The following PCDHGB3 variants were observed in gnomAD, a reference collection of about 807,000 sequenced individuals.
The protein encoded by PCDHGB3 is protocadherin gamma subfamily B, 3.
In PCDHGB3, 40 loss-of-function variants were observed where a neutral mutation model predicts 59.2. That is an observed-to-expected ratio of 0.68 (90% CI 0.52 to 0.88). The LOEUF (loss-of-function observed/expected upper bound fraction) is 0.88, where lower values mean the gene tolerates loss of function less well. Ranked by LOEUF, PCDHGB3 falls within the 40% of genes least tolerant of loss-of-function variation. The pLI is 0.00. For missense variants in PCDHGB3, 1,309 were observed against 1,187.9 expected, an observed-to-expected ratio of 1.10 and a Z score of -1.50; for synonymous variants, 581 against 503.6, an observed-to-expected ratio of 1.15 and a Z score of -2.06.
At position 141,372,407 on chromosome 5, in the gene PCDHGB3, A is replaced by G. The variant is rs1190545508; in HGVS notation, c.2013A>G (p.Ile671Met). 3.7e-6 allele frequency: 6 copies of G among 1,613,948 alleles called. No individual in the cohort carries two copies. In the Admixed American group the frequency reaches 6.7e-5, roughly 18 times the overall value. The change falls in exon 1 of 4, where the codon ATA (isoleucine) becomes ATG (methionine). Residue 671 changes from isoleucine (I) to methionine (M), a missense_variant. Coordinates refer to ENST00000576222, the MANE Select transcript of PCDHGB3 (RefSeq NM_018924.5). ...TCTTCGCAGATAGCTTGCAAGAGATACAACCTGACCTTAGCGACCGCCCCA... is the reference window on the plus strand; with the variant it reads ...TCTTCGCAGATAGCTTGCAAGAGATGCAACCTGACCTTAGCGACCGCCCCA... ...HLIFADSLQE[I>M]QPDLSDRPTP...
Position 141,485,992 on chromosome 5 carries a change from C to T in PCDHGB3, c.2416-8815C>T. The T allele has an allele frequency of 6.2e-7, 1 of 1,614,156 alleles. No individual in the cohort carries two copies. The highest frequency in any genetic ancestry group is 2.2e-5 in the East Asian group (1 of 44,870). On this transcript the variant is annotated intron_variant, in intron 1 of 3. Coordinates refer to ENST00000576222, the MANE Select transcript of PCDHGB3 (RefSeq NM_018924.5). The surrounding 1 kb of genome is among the most constrained non-coding windows in gnomAD (Gnocchi z 5.7). ...ATGCCTCAGACCCGGACCTGGGTCC[C>T]AGTGGTAACGTCACCTTTTATTTCA...
chr5:141,404,984 C>A (rs779919758), intron 1 of PCDHGB3: 1 of 1,614,034 alleles, frequency 6.2e-7, no homozygotes, highest in Middle Eastern at 1.6e-4. Flanking sequence ...CCTGGGCAGT[C>A]TTCAGATCCC....
intron 1 of PCDHGB3, chr5:141,385,016 C>T (rs536780147): frequency 1.2e-6 from 2 of 1,614,068 alleles, no homozygotes; most frequent in African/African-American, 1.3e-5. Flanking sequence ...GTCTTCCTAG[C>T]CTTCGTCCTC....
intron 1 of PCDHGB3, among the ~76,000 whole-genome samples, chr5:141,380,184 G>A (rs1776280762): frequency 6.6e-6 from 1 of 152,160 alleles, no homozygotes; most frequent in South Asian, 2.1e-4. Flanking sequence ...ACAGGCATGA[G>A]CCACTGAGCC....
intron 1 of PCDHGB3, chr5:141,389,435 C>T (rs1403223210): frequency 8.1e-6 from 13 of 1,610,504 alleles, no homozygotes. Flanking sequence ...CGCAGCGCGC[C>T]TTCGACCACG....
chr5:141,423,374 G>T (rs1356564295), intron 1 of PCDHGB3: 2 of 1,614,188 alleles, frequency 1.2e-6, no homozygotes, highest in Admixed American at 1.7e-5. Context: ...CTGGCACTCA[G>T]GCTGTGGCGC....
chr5:141,423,877 C>A, intron 1 of PCDHGB3: 1 of 1,283,890 alleles, frequency 7.8e-7, no homozygotes, highest in Non-Finnish European at 9.9e-7. Flanking sequence ...ATTTTTCAAT[C>A]TTGGCATATT....
chr5:141,389,818 G>T, intron 1 of PCDHGB3: 2 of 1,613,888 alleles, frequency 1.2e-6, no homozygotes, highest in Non-Finnish European at 1.7e-6. Flanking sequence ...GTCGCCGTGC[G>T]TGACGGTGGA....
At position 141,486,364 on chromosome 5, in the gene PCDHGB3, C is replaced by T; in HGVS notation, c.2416-8443C>T. 1 of 1,614,068 alleles carries T rather than the reference C, an allele frequency of 6.2e-7. No homozygotes were observed. The highest frequency in any genetic ancestry group is 1.1e-5 in the South Asian group (1 of 91,074). On this transcript the variant is annotated intron_variant, in intron 1 of 3. Transcript: ENST00000576222. The surrounding 1 kb of genome is among the most constrained non-coding windows in gnomAD (Gnocchi z 5.0). ...TTCCTGACCACTTGCCATTTGCCCT[C>T]AAGTCTGCCTTCAGGAACCAGTTCT...
At chr5:141,478,355 G>T (rs1193169527) in intron 1 of PCDHGB3, 7 of 1,613,742 alleles carry the variant, frequency 4.3e-6, no homozygotes, top group Non-Finnish European at 5.1e-6. Flanking sequence ...CGCGGACGCC[G>T]TGCGGGGAGG....
At chr5:141,410,849 C>CTTTTTTGTTTTTTTTTTTTTTT (rs2095433183) in intron 1 of PCDHGB3, 1 of 129,786 alleles carries the variant, frequency 7.7e-6, no homozygotes, top group African/African-American at 6.0e-5. Flanking sequence ...TTGTCTTTGT[C>CTTTTTTGTTTTTTTTTTTTTTT]TTTTTTTTTT....
chr5:141,375,452 T>C (rs772369254), intron 1 of PCDHGB3: 2 of 1,613,876 alleles, frequency 1.2e-6, no homozygotes, highest in Non-Finnish European at 1.7e-6. Context: ...CCATTCATCC[T>C]ACTCAGTCTA....
intron 1 of PCDHGB3, chr5:141,426,995 C>A (rs772977735): frequency 2.2e-6 from 1 of 456,694 alleles, no homozygotes; most frequent in South Asian, 1.5e-5. Context: ...ACGATAATGC[C>A]CCAGTTTTTA....
chr5:141,419,259 C>A (rs765877993), intron 1 of PCDHGB3: 11 of 1,614,016 alleles, frequency 6.8e-6, no homozygotes, highest in Non-Finnish European at 9.3e-6. Flanking sequence ...AACAACCAGC[C>A]GGGTGCCTCC....
chr5:141,498,265 T>G (rs2099782779), intron 2 of PCDHGB3, among the ~76,000 whole-genome samples: 2 of 152,010 alleles, frequency 1.3e-5, no homozygotes, highest in Non-Finnish European at 2.9e-5. Context: ...TGTTGAGTTC[T>G]TCAGTAAACT....
intron 1 of PCDHGB3, among the ~76,000 whole-genome samples, chr5:141,466,493 A>G (rs2099123402): frequency 6.6e-6 from 1 of 152,226 alleles, no homozygotes; most frequent in South Asian, 2.1e-4. Context: ...TTCTTTAATT[A>G]GAGCACAGAC....
At chr5:141,499,343 G>C (rs1184175548) in intron 2 of PCDHGB3, among the ~76,000 whole-genome samples, 1 of 152,146 alleles carries the variant, frequency 6.6e-6, no homozygotes, top group Non-Finnish European at 1.5e-5. Context: ...AGTTTGGGCA[G>C]TCATTCAACA....
chr5:141,471,564 T>C (rs1352708320), intron 1 of PCDHGB3: 1 of 152,184 alleles, frequency 6.6e-6, no homozygotes, highest in African/African-American at 2.4e-5. Context: ...GACTCAGGGG[T>C]AGCAGTAGAT....
intron 1 of PCDHGB3, chr5:141,423,469 C>G: frequency 3.1e-6 from 5 of 1,613,948 alleles, no homozygotes; most frequent in Non-Finnish European, 4.2e-6. Flanking sequence ...GGACGGGGTA[C>G]AGGCTTTCCT....
Sources: allele counts gnomAD v4.1 joint callset (sites outside exome capture counted in the v4.1 genomes callset), GRCh38; gene constraint gnomAD v4.1.1; non-coding constraint Gnocchi (gnomAD v3.1); transcripts MANE v1.5; gene names NCBI Gene and HGNC (gene_info 2026-07-23, HGNC 2026-07-21).